Variants in TMEM150C observed in about 807,000 individuals in gnomAD.
TMEM150C encodes the protein transmembrane protein 150C, also known as tentonin 3.
A neutral mutation model predicts 29.9 loss-of-function variants in TMEM150C; 10 were observed. The observed-to-expected ratio is 0.33, with a 90% CI of 0.21 to 0.57. TMEM150C has a LOEUF of 0.57. Ranked by LOEUF, TMEM150C falls within the 20% of genes least tolerant of loss-of-function variation. The pLI, the probability that TMEM150C is intolerant of heterozygous loss-of-function variation, is 0.88. For missense variants in TMEM150C, 251 were observed against 303.6 expected (o/e 0.83, Z 1.29); for synonymous variants, 101 against 112.5 (o/e 0.90, Z 0.64).
Position 82,490,327 on chromosome 4 carries a change from T to A in TMEM150C, c.364-89A>T, listed in dbSNP as rs1391780607. On this transcript the variant is annotated intron_variant, in intron 6 of 7. Transcript: ENST00000449862. ...GGAATGAATATATGAGGGGAAAAGA[T>A]AGGAAAAGAAATATCCCAATAATGG... is the stretch of plus-strand genomic sequence containing the variant. The A allele has an allele frequency of 1.0e-5, 12 of 1,153,282 alleles. No individual in the cohort carries two copies. The Admixed American group carries it at 2.4e-4, about 23-fold the overall frequency. 71.4% of individuals were successfully genotyped at this position (1,153,282 alleles called of 1,614,324 possible).
chr4:82,495,215 G>A, intron 6 of TMEM150C: 1 of 307,218 alleles, frequency 3.3e-6, no homozygotes, highest in Non-Finnish European at 6.2e-6. Context: ...GGCCGAGGCG[G>A]GCAGATCGCG....
At chr4:82,516,913 T>C (rs1448607047) in intron 1 of TMEM150C, among the ~76,000 whole-genome samples, 1 of 152,162 alleles carries the variant, frequency 6.6e-6, no homozygotes, top group Admixed American at 6.5e-5. Flanking sequence ...GTGGGGAAGG[T>C]TGTACATCAT....
chr4:82,546,510 G>A (rs540330704), intron 1 of TMEM150C, among the ~76,000 whole-genome samples: 1 of 152,272 alleles, frequency 6.6e-6, no homozygotes, highest in Admixed American at 6.5e-5. Flanking sequence ...ATGCTGCTGG[G>A]ATAGCTGGCT....
intron 1 of TMEM150C, among the ~76,000 whole-genome samples, chr4:82,521,409 G>GA (rs1724480344): frequency 6.6e-6 from 1 of 152,070 alleles, no homozygotes; most frequent in Non-Finnish European, 1.5e-5. Context: ...ATATAAGATT[G>GA]AAAAAAGCAA....
intron 7 of TMEM150C, 123 bp from the exon 8 acceptor site, chr4:82,485,842 G>T: frequency 1.2e-6 from 1 of 811,234 alleles, no homozygotes. Context: ...CTGGTAGCCT[G>T]CTAGAGCTTG....
At chr4:82,529,055 AC>A (rs148865076) in intron 1 of TMEM150C, among the ~76,000 whole-genome samples, 4,743 of 152,068 alleles carry the variant, frequency 0.031, 227 homozygotes, top group African/African-American at 0.11. Context: ...CAGTCAGCAC[AC>A]ACGGAGAGTG....
In TMEM150C at chr4:82,483,439, C is replaced by T. The variant is rs1355146518; in HGVS notation, c.*2072G>A. 1 of 152,216 alleles carries T rather than the reference C, an allele frequency of 6.6e-6. No individual in the cohort carries two copies. The highest frequency in any genetic ancestry group is 1.5e-5 in the Non-Finnish European group (1 of 68,028). The allele number at this position is 152,216 out of a possible 1,614,324, so 9.4% of individuals were successfully genotyped here. On this transcript the variant is annotated 3_prime_UTR_variant, in exon 8 of 8. Transcript: ENST00000449862. ...AACAAATGTCACCTTGGACTATTTACAGTAAGACGCCTTTTTGACAGGAGA... is the reference window on the plus strand; with the variant it reads ...AACAAATGTCACCTTGGACTATTTATAGTAAGACGCCTTTTTGACAGGAGA...
In TMEM150C at chr4:82,485,226, G is replaced by A; in HGVS notation, c.*285C>T. The A allele has an allele frequency of 2.8e-6, 1 of 353,162 alleles. No homozygotes were observed. Among genetic ancestry groups the A allele is most frequent in the Non-Finnish European group, 5.3e-6 (1 of 188,488 alleles). The allele number at this position is 353,162 out of a possible 1,614,324, so 21.9% of individuals were successfully genotyped here. On this transcript the variant is annotated 3_prime_UTR_variant, in exon 8 of 8. Coordinates refer to ENST00000449862, the MANE Select transcript of TMEM150C (RefSeq NM_001080506.3). ...AGACATGTGGAGAGAATGGGAAGAG[G>A]AGGGAGTGCTGGGAAGGGGACGGAT...
chr4:82,503,767 G>GT (rs1560484109), intron 2 of TMEM150C, among the ~76,000 whole-genome samples: 1 of 151,890 alleles, frequency 6.6e-6, no homozygotes, highest in Non-Finnish European at 1.5e-5. Context: ...GGAGAATGGC[G>GT]TGAACCCAGG....
intron 5 of TMEM150C, among the ~76,000 whole-genome samples, chr4:82,501,605 T>C (rs1472765940): frequency 6.6e-6 from 1 of 152,086 alleles, no homozygotes; most frequent in Non-Finnish European, 1.5e-5. Context: ...AAGCTTCAGG[T>C]TCAAGAGAGG....
In TMEM150C at chr4:82,519,564, T is replaced by C. The variant is rs530142113; in HGVS notation, c.-10-14897A>G. 9.9e-5 allele frequency among the ~76,000 whole-genome samples: 15 copies of C among 152,220 alleles called. No homozygotes were observed. The South Asian group carries it at 3.1e-3, about 32-fold the overall frequency. ...CCTCAGCCTCCCCAAGTAGCTGGGA[T>C]CACAGGCACGTGTGACCACGCCCAG... On this transcript the variant is annotated intron_variant, in intron 1 of 7. Coordinates refer to ENST00000449862, the MANE Select transcript of TMEM150C (RefSeq NM_001080506.3).
intron 1 of TMEM150C, among the ~76,000 whole-genome samples, chr4:82,519,876 A>G (rs1246725526): frequency 6.6e-6 from 1 of 152,218 alleles, no homozygotes; most frequent in Non-Finnish European, 1.5e-5. Context: ...GCTCCTCCCC[A>G]TCTATTTCAA....
At position 82,483,196 on chromosome 4, in the gene TMEM150C, T is replaced by C. The variant is rs1363016591; in HGVS notation, c.*2315A>G. 6.6e-6 allele frequency: 1 copy of C among 152,196 alleles called. No homozygotes were observed. Among genetic ancestry groups the C allele is most frequent in the African/African-American group, 2.4e-5 (1 of 41,450 alleles). The allele number at this position is 152,196 out of a possible 1,614,324, so 9.4% of individuals were successfully genotyped here. A position where few individuals can be genotyped will look rare whatever the true frequency, so the allele number is the denominator to read the frequency against. Reference sequence around the variant, plus strand: ...AACAATTATGCATAAAAGAATTTTATTTAGTGGCCAGATCCCAATGAATAA... The same window carrying C: ...AACAATTATGCATAAAAGAATTTTACTTAGTGGCCAGATCCCAATGAATAA... On this transcript the variant is annotated 3_prime_UTR_variant, in exon 8 of 8. Coordinates refer to ENST00000449862, the MANE Select transcript of TMEM150C (RefSeq NM_001080506.3).
rs576894576 is a variant in TMEM150C, at chr4:82,489,062, ATT to A, written c.541+997_541+998del. On this transcript the variant is annotated intron_variant, in intron 7 of 7. Transcript: ENST00000449862. ...GCCACAACACCCAGCGGATTTTTAG[ATT>A]TTTTTTTTTTTTTTTTTTGTAGAGA... Among the ~76,000 whole-genome samples the A allele has an allele frequency of 7.7e-3, 966 of 126,048 alleles. 13 individuals carry two copies. Among genetic ancestry groups the A allele is most frequent in the African/African-American group, 0.028 (913 of 33,082 alleles). The allele number at this position is 126,048 out of a possible 152,430, so 82.7% of individuals were successfully genotyped here. A position where few individuals can be genotyped will look rare whatever the true frequency, so the allele number is the denominator to read the frequency against.
chr4:82,561,580 C>A (rs540517741), intron 1 of TMEM150C, among the ~76,000 whole-genome samples: 1 of 149,780 alleles, frequency 6.7e-6, no homozygotes, highest in South Asian at 2.1e-4. Context: ...CCGCAGCGGG[C>A]GGGCTGGCTG....
chr4:82,545,183 A>G, intron 1 of TMEM150C, among the ~76,000 whole-genome samples: 1 of 152,242 alleles, frequency 6.6e-6, no homozygotes, highest in Non-Finnish European at 1.5e-5. Context: ...CAGCACATCA[A>G]AAAGTTAATT....
intron 1 of TMEM150C, among the ~76,000 whole-genome samples, chr4:82,555,523 A>C (rs532805205): frequency 3.0e-4 from 45 of 152,264 alleles, no homozygotes; most frequent in African/African-American, 1.1e-3. Flanking sequence ...CTTCCTGCCT[A>C]AATGTGCAAT....
At chr4:82,491,354 T>C (rs1174052839) in intron 6 of TMEM150C, 1 of 645,658 alleles carries the variant, frequency 1.5e-6, no homozygotes, top group Non-Finnish European at 2.8e-6. Flanking sequence ...GAGTAGCTGC[T>C]TGGCATCCAG....
chr4:82,492,443 T>G (rs1723386364), intron 6 of TMEM150C, among the ~76,000 whole-genome samples: 2 of 144,782 alleles, frequency 1.4e-5, no homozygotes, highest in Admixed American at 7.1e-5. Context: ...TCATTGTTAA[T>G]GAGAATTTTT....
Sources: allele counts gnomAD v4.1 joint callset (sites outside exome capture counted in the v4.1 genomes callset), GRCh38; gene constraint gnomAD v4.1.1; transcripts MANE v1.5; gene names NCBI Gene and HGNC (gene_info 2026-07-23, HGNC 2026-07-21).